ABCG4: variants seen among roughly 807,000 people sequenced by gnomAD.
ABCG4 encodes ATP-binding cassette sub-family G member 4.
A neutral mutation model predicts 64.6 loss-of-function variants in ABCG4; 35 were observed. That is an observed-to-expected ratio of 0.54 (90% CI 0.41 to 0.72). The LOEUF is 0.72. ABCG4 is among the 30% of genes least tolerant of loss of function. The probability of loss-of-function intolerance (pLI) is 0.00; values close to 1 mark genes in which losing one functional copy is unlikely to be tolerated. For missense variants in ABCG4, 610 were observed against 846.3 expected (o/e 0.72, Z 3.46); for synonymous variants, 326 against 348.2 (o/e 0.94, Z 0.71).
Position 119,149,126 on chromosome 11 carries a change from G to C in ABCG4, c.-250G>C, listed in dbSNP as rs1035029464. The C allele has an allele frequency of 6.6e-6, 1 of 152,148 alleles. No homozygotes were observed. Among genetic ancestry groups the C allele is most frequent in the East Asian group, 1.9e-4 (1 of 5,162 alleles). 9.4% of individuals were successfully genotyped at this position (152,148 alleles called of 1,614,324 possible). On this transcript the variant is annotated 5_prime_UTR_variant, in exon 1 of 15. Transcript: ENST00000619701. The surrounding 1 kb of genome is among the most constrained non-coding windows in gnomAD (Gnocchi z 8.3). ...GGAAGCGGGTGTGCACAGCCCAGCA[G>C]AGTCAGGGCGCGACCCCAACCGCCT...
rs1948351146 is a variant in ABCG4 at position 119,161,398 on chromosome 11, C to T, written c.*292C>T. 4 of 313,822 alleles carry T rather than the reference C, an allele frequency of 1.3e-5. No individual in the cohort carries two copies. In the Admixed American group the frequency reaches 1.4e-4, roughly 11 times the overall value. The allele number at this position is 313,822 out of a possible 1,614,324, so 19.4% of individuals were successfully genotyped here. A position where few individuals can be genotyped will look rare whatever the true frequency, so the allele number is the denominator to read the frequency against. ...GCAAAGACTACTGGGAGGCTGCTGC[C>T]TCCTTCCTGCCCATGGCACCCTCCT... On this transcript the variant is annotated 3_prime_UTR_variant, in exon 15 of 15. Transcript: ENST00000619701.
At position 119,160,137 on chromosome 11, in the gene ABCG4, T is replaced by C; in HGVS notation, c.1438-90T>C. The C allele has an allele frequency of 2.1e-6, 3 of 1,435,582 alleles. No homozygotes were observed. The highest frequency in any genetic ancestry group is 1.3e-5 in the South Asian group (1 of 76,730). 88.9% of individuals were successfully genotyped at this position (1,435,582 alleles called of 1,614,324 possible). ...AGGATGGACACCCTGGGAATAGGTA[T>C]TCTAGAGGCCCAGCCTTGGGTGGAG... On this transcript the variant is annotated intron_variant, in intron 12 of 14. Coordinates refer to ENST00000619701, the MANE Select transcript of ABCG4 (RefSeq NM_022169.5). This position sits in a 1 kb window ranked among gnomAD's most constrained non-coding sequence, Gnocchi z 4.6.
Position 119,154,206 on chromosome 11 carries a change from C to G in ABCG4, c.357-54C>G. 2 of 1,613,122 alleles carry G rather than the reference C, an allele frequency of 1.2e-6. No homozygotes were observed. The highest frequency in any genetic ancestry group is 2.2e-5 in the South Asian group (2 of 91,066). On this transcript the variant is annotated intron_variant, in intron 3 of 14. Transcript: ENST00000619701. This position sits in a 1 kb window ranked among gnomAD's most constrained non-coding sequence, Gnocchi z 7.0. Reference sequence around the variant, plus strand: ...AGGAAGAAGTATCCCTTGGGGAACACAGAAGGTATTCTGAAAGGGCATTGA... The same window carrying G: ...AGGAAGAAGTATCCCTTGGGGAACAGAGAAGGTATTCTGAAAGGGCATTGA...
chr11:119,158,871 A>G lies in ABCG4; in HGVS notation c.1379A>G (p.Tyr460Cys). The stretch of plus-strand genomic sequence containing the variant: ...GTCTTCATGAGGGAGCACCTCAACT[A>G]CTGGTACAGCCTCAAAGCGTATTAC... ...MAVFMREHLN[Y>C]WYSLKAYYLA... is the part of the protein sequence containing the mutation. Residue 460 changes from tyrosine to cysteine, a missense_variant, in exon 12 of 15, where the codon TAC becomes TGC. Coordinates refer to ENST00000619701, the MANE Select transcript of ABCG4 (RefSeq NM_022169.5). The surrounding 1 kb of genome is among the most constrained non-coding windows in gnomAD (Gnocchi z 4.5). The G allele has an allele frequency of 6.2e-7, 1 of 1,614,112 alleles. No individual in the cohort carries two copies. Among genetic ancestry groups the G allele is most frequent in the Non-Finnish European group, 8.5e-7 (1 of 1,180,012 alleles).
chr11:119,156,091 A>G lies in ABCG4; in HGVS notation c.687-238A>G, dbSNP rs1360799406. On this transcript the variant is annotated intron_variant, in intron 6 of 14. Coordinates refer to ENST00000619701, the MANE Select transcript of ABCG4 (RefSeq NM_022169.5). The surrounding 1 kb of genome is among the most constrained non-coding windows in gnomAD (Gnocchi z 5.5). ...AGAGTCTATGTCTTATTTATGCATC[A>G]TTGTAATCCCAGTGCCTGGCATACA... 1 of 538,148 alleles carries G rather than the reference A, an allele frequency of 1.9e-6. No individual in the cohort carries two copies. Among genetic ancestry groups the G allele is most frequent in the African/African-American group, 1.9e-5 (1 of 52,590 alleles). 33.3% of individuals were successfully genotyped at this position (538,148 alleles called of 1,614,324 possible). A position where few individuals can be genotyped will look rare whatever the true frequency, so the allele number is the denominator to read the frequency against.
chr11:119,154,754 G>A lies in ABCG4; in HGVS notation c.541-16G>A, dbSNP rs1948242930. 4.4e-6 allele frequency: 7 copies of A among 1,604,408 alleles called. No homozygotes were observed. The highest frequency in any genetic ancestry group is 6.0e-6 in the Non-Finnish European group (7 of 1,172,792). On this transcript the variant is annotated splice_polypyrimidine_tract_variant and intron_variant, in intron 5 of 14. Coordinates refer to ENST00000619701, the MANE Select transcript of ABCG4 (RefSeq NM_022169.5). This position sits in a 1 kb window ranked among gnomAD's most constrained non-coding sequence, Gnocchi z 7.0. ...GAGACTCCGAAGCTGACCTGGCATG[G>A]GTGGGGTGGGGCCAGGTGACAGAGA...
At position 119,158,778 on chromosome 11, in the gene ABCG4, G is replaced by A; in HGVS notation, c.1337-51G>A. The A allele has an allele frequency of 1.2e-6, 2 of 1,614,158 alleles. No homozygotes were observed. The highest frequency in any genetic ancestry group is 1.6e-4 in the Middle Eastern group (1 of 6,062). ...CAAGGGTGTGGGTGCTGGGGCTTGG[G>A]GCAGGGGCCAGGGTGTCGGCCGGGT... On this transcript the variant is annotated intron_variant, in intron 11 of 14. Transcript: ENST00000619701. This position sits in a 1 kb window ranked among gnomAD's most constrained non-coding sequence, Gnocchi z 4.5.
rs1948307270 is a variant in ABCG4 at position 119,158,901 on chromosome 11, C to T, written c.1409C>T (p.Ala470Val). ...TACAGCCTCAAAGCGTATTACCTGG[C>T]CAAGACCATGGCTGACGTGCCCTTT... ...YWYSLKAYYLAKTMADVPFQV... is the reference protein window; with the variant it reads ...YWYSLKAYYLVKTMADVPFQV... The change falls in exon 12 of 15, where the codon GCC becomes GTC. Residue 470 changes from alanine (A) to valine (V), a missense_variant. By Grantham distance (64) the Ala-to-Val change is moderately conservative (BLOSUM62 0). Coordinates refer to ENST00000619701, the MANE Select transcript of ABCG4 (RefSeq NM_022169.5). This position sits in a 1 kb window ranked among gnomAD's most constrained non-coding sequence, Gnocchi z 4.5. The T allele has an allele frequency of 6.2e-7, 1 of 1,614,108 alleles. No homozygotes were observed. The highest frequency in any genetic ancestry group is 1.3e-5 in the African/African-American group (1 of 74,936).
rs530189700 is a variant in ABCG4 at position 119,161,409 on chromosome 11, C to A, written c.*303C>A. 1 of 294,816 alleles carries A rather than the reference C, an allele frequency of 3.4e-6. No homozygotes were observed. Among genetic ancestry groups the A allele is most frequent in the African/African-American group, 2.1e-5 (1 of 46,638 alleles). 18.3% of individuals were successfully genotyped at this position (294,816 alleles called of 1,614,324 possible). On this transcript the variant is annotated 3_prime_UTR_variant, in exon 15 of 15. Transcript: ENST00000619701. ...TGGGAGGCTGCTGCCTCCTTCCTGC[C>A]CATGGCACCCTCCTCTGCTGTCTGC...
In ABCG4 at chr11:119,158,362, T is replaced by C. The variant is rs1258070460; in HGVS notation, c.1167+30T>C. 3 of 1,609,360 alleles carry C rather than the reference T, an allele frequency of 1.9e-6. No homozygotes were observed. Among genetic ancestry groups the C allele is most frequent in the Non-Finnish European group, 2.6e-6 (3 of 1,175,940 alleles). On this transcript the variant is annotated intron_variant, in intron 10 of 14. Coordinates refer to ENST00000619701, the MANE Select transcript of ABCG4 (RefSeq NM_022169.5). This position sits in a 1 kb window ranked among gnomAD's most constrained non-coding sequence, Gnocchi z 4.5. The stretch of plus-strand genomic sequence containing the variant: ...GGCGTCAGGCTGGGGGAGAGGAGGC[T>C]GGCACAGGCCTGACCTTTTGGGCTG...
At position 119,162,285 on chromosome 11, in the gene ABCG4, A is replaced by G. The variant is rs2035162069; in HGVS notation, c.*1179A>G. On this transcript the variant is annotated 3_prime_UTR_variant, in exon 15 of 15. Transcript: ENST00000619701. ...AAGTTGGCCTTGGCCACTGCCACCC[A>G]CGGCCCTCCTTTTGTGCTCCATGCT... 1 of 152,786 alleles carries G rather than the reference A, an allele frequency of 6.5e-6. No individual in the cohort carries two copies. The highest frequency in any genetic ancestry group is 1.5e-5 in the Non-Finnish European group (1 of 68,174). The allele number at this position is 152,786 out of a possible 1,614,324, so 9.5% of individuals were successfully genotyped here. A position where few individuals can be genotyped will look rare whatever the true frequency, so the allele number is the denominator to read the frequency against.
chr11:119,154,795 G>C lies in ABCG4; in HGVS notation c.566G>C (p.Gly189Ala). The C allele has an allele frequency of 6.2e-7, 1 of 1,613,112 alleles. No homozygotes were observed. Among genetic ancestry groups the C allele is most frequent in the Non-Finnish European group, 8.5e-7 (1 of 1,179,136 alleles). ...GTGACAGAGATCCTGACGGCACTGG[G>C]CCTGATGTCGTGCTCCCACACGAGG... ...ELVTEILTAL[G>A]LMSCSHTRTA... The change falls in exon 6 of 15, where the codon GGC (glycine) becomes GCC (alanine). Residue 189 changes from glycine (G) to alanine (A), a missense_variant. Physicochemically the swap from Gly to Ala is moderately conservative, Grantham distance 60. Transcript: ENST00000619701. This position sits in a 1 kb window ranked among gnomAD's most constrained non-coding sequence, Gnocchi z 7.0.
chr11:119,149,746 G>A lies in ABCG4; in HGVS notation c.-12-208G>A. ...GAGCGATTGAGGGCTTCAAGGGGAC[G>A]GGCTGGGGTCAGGCTGGAGCTGGGC... On this transcript the variant is annotated intron_variant, in intron 1 of 14. Transcript: ENST00000619701. This position sits in a 1 kb window ranked among gnomAD's most constrained non-coding sequence, Gnocchi z 8.3. 1 of 718,272 alleles carries A rather than the reference G, an allele frequency of 1.4e-6. No homozygotes were observed. The highest frequency in any genetic ancestry group is 2.2e-6 in the Non-Finnish European group (1 of 453,790). 44.5% of individuals were successfully genotyped at this position (718,272 alleles called of 1,614,324 possible).
rs1268945884 is a variant in ABCG4 at position 119,158,441 on chromosome 11, T to C, written c.1167+109T>C. The stretch of plus-strand genomic sequence containing the variant: ...GGGACCCTCCCTCACAGCCCTGCAA[T>C]GTGCCTGTGGGGTCTCTGTGCCTGT... On this transcript the variant is annotated intron_variant, in intron 10 of 14. Coordinates refer to ENST00000619701, the MANE Select transcript of ABCG4 (RefSeq NM_022169.5). This position sits in a 1 kb window ranked among gnomAD's most constrained non-coding sequence, Gnocchi z 4.5. 11 of 1,550,738 alleles carry C rather than the reference T, an allele frequency of 7.1e-6. No individual in the cohort carries two copies. The highest frequency in any genetic ancestry group is 8.9e-6 in the Non-Finnish European group (10 of 1,123,758).
chr11:119,154,835 T>C lies in ABCG4; in HGVS notation c.606T>C (p.Ser202=). ...SCSHTRTALL[S]GGQRKRLAIA... Reference sequence around the variant, plus strand: ...CCCACACGAGGACAGCCCTGCTCTCTGGCGGGCAGAGGAAGCGTCTGGCCA... The same window carrying C: ...CCCACACGAGGACAGCCCTGCTCTCCGGCGGGCAGAGGAAGCGTCTGGCCA... The change falls in exon 6 of 15, where the codon TCT becomes TCC. Residue 202 remains serine (S), a synonymous_variant. Coordinates refer to ENST00000619701, the MANE Select transcript of ABCG4 (RefSeq NM_022169.5). The surrounding 1 kb of genome is among the most constrained non-coding windows in gnomAD (Gnocchi z 7.0). The C allele has an allele frequency of 6.2e-7, 1 of 1,614,088 alleles. No homozygotes were observed.
rs774544811 is a variant in ABCG4 at position 119,160,436 on chromosome 11, G to A, written c.1596+51G>A. ...CCCAAGGCGGGATGAGGTCTTGTGG[G>A]AGGAAGCAGGGCCTGGTGCAAGGGT... On this transcript the variant is annotated intron_variant, in intron 13 of 14. Transcript: ENST00000619701. The surrounding 1 kb of genome is among the most constrained non-coding windows in gnomAD (Gnocchi z 4.6). 6.2e-6 allele frequency: 10 copies of A among 1,603,926 alleles called. No individual in the cohort carries two copies. Among genetic ancestry groups the A allele is most frequent in the Non-Finnish European group, 6.8e-6 (8 of 1,173,040 alleles).
rs1565812289 is a variant in ABCG4 at position 119,150,205 on chromosome 11, T to A, written c.238+2T>A. On this transcript the variant is annotated splice_donor_variant, in intron 2 of 14. Transcript: ENST00000619701. LOFTEE classifies it high-confidence loss of function. This position sits in a 1 kb window ranked among gnomAD's most constrained non-coding sequence, Gnocchi z 4.3. ...AGGGGCCCTGCTGGCGCAAAAGGGGTAGGGAACAGCCTGGTAGGGGGAGTC... is the reference window on the plus strand; with the variant it reads ...AGGGGCCCTGCTGGCGCAAAAGGGGAAGGGAACAGCCTGGTAGGGGGAGTC... 6.2e-7 allele frequency: 1 copy of A among 1,612,750 alleles called. No homozygotes were observed. The highest frequency in any genetic ancestry group is 1.3e-5 in the African/African-American group (1 of 74,928).
chr11:119,159,479 T>G (rs1158471039), intron 12 of ABCG4, among the ~76,000 whole-genome samples: 1 of 152,268 alleles, frequency 6.6e-6, no homozygotes, highest in Non-Finnish European at 1.5e-5. Flanking sequence ...TGCAAGATCT[T>G]GGGCAAATCA....
At chr11:119,157,783 G>A (rs561671902) in intron 9 of ABCG4, among the ~76,000 whole-genome samples, 3 of 152,218 alleles carry the variant, frequency 2.0e-5, no homozygotes, top group African/African-American at 7.2e-5. Flanking sequence ...GGAGAATGGC[G>A]TGAACCAGGG....
Sources: gnomAD v4.1 joint callset for allele counts (sites outside exome capture counted in the v4.1 genomes callset) on GRCh38, gnomAD v4.1.1 for gene constraint, Gnocchi (gnomAD v3.1) non-coding constraint, MANE v1.5 for transcripts, NCBI Gene and HGNC (gene_info 2026-07-23, HGNC 2026-07-21) for gene names.